The following PDE10A variants were observed in gnomAD, a reference collection of about 807,000 sequenced individuals.
PDE10A encodes phosphodiesterase 10A.
A neutral mutation model predicts 97.7 loss-of-function variants in PDE10A; 39 were observed. That is an observed-to-expected ratio of 0.40 (90% CI 0.31 to 0.52). The LOEUF is 0.52. PDE10A is among the 20% of genes least tolerant of loss of function. The pLI, the probability that PDE10A is intolerant of heterozygous loss-of-function variation, is 0.56. For synonymous variants in PDE10A, 371 were observed against 376.8 expected (o/e 0.98, Z 0.18); for missense variants, 731 against 1,047.8 (o/e 0.70, Z 4.17).
At chr6:165,540,401 C>A in intron 2 of PDE10A, among the ~76,000 whole-genome samples, 1 of 151,970 alleles carries the variant, frequency 6.6e-6, no homozygotes, top group Admixed American at 6.6e-5. Context: ...GTGTGTTACA[C>A]GGTTTTATTT....
At chr6:165,406,956 G>T (rs1401263031) in intron 13 of PDE10A, among the ~76,000 whole-genome samples, 1 of 152,106 alleles carries the variant, frequency 6.6e-6, no homozygotes, top group Non-Finnish European at 1.5e-5. Flanking sequence ...CTGACTCAGG[G>T]TTACACCATC....
intron 1 of PDE10A, among the ~76,000 whole-genome samples, chr6:165,637,638 G>A (rs535261945): frequency 1.3e-3 from 198 of 152,296 alleles, no homozygotes; most frequent in African/African-American, 4.6e-3. Context: ...ATCATGTTAA[G>A]TGGCAAAAGG....
chr6:165,686,829 G>A (rs1460757259), intron 1 of PDE10A, among the ~76,000 whole-genome samples: 1 of 152,168 alleles, frequency 6.6e-6, no homozygotes, highest in Non-Finnish European at 1.5e-5. Flanking sequence ...GCACCTCCGC[G>A]GCTCATTTGG....
chr6:165,794,129 A>ACG (rs1778745428), intron 1 of PDE10A, among the ~76,000 whole-genome samples: 2 of 151,490 alleles, frequency 1.3e-5, no homozygotes, highest in Admixed American at 1.3e-4. Flanking sequence ...ACACACACAC[A>ACG]CACGCTCACA....
At chr6:165,411,261 C>T (rs889973888) in intron 13 of PDE10A, among the ~76,000 whole-genome samples, 14 of 151,628 alleles carry the variant, frequency 9.2e-5, no homozygotes, top group Admixed American at 9.2e-4. Context: ...GATTGTGGCC[C>T]CCTTAAAATT....
chr6:165,514,570 G>A (rs1157888232), intron 2 of PDE10A, among the ~76,000 whole-genome samples: 1 of 152,174 alleles, frequency 6.6e-6, no homozygotes, highest in Non-Finnish European at 1.5e-5. Context: ...CATATCTTCA[G>A]CCAGAAACAG....
intron 18 of PDE10A, among the ~76,000 whole-genome samples, chr6:165,365,423 T>C (rs938022042): frequency 6.6e-6 from 1 of 152,194 alleles, no homozygotes; most frequent in Non-Finnish European, 1.5e-5. Flanking sequence ...AGGCTGGACA[T>C]GATGGCTCAT....
intron 3 of PDE10A, among the ~76,000 whole-genome samples, chr6:165,457,602 C>T (rs1396281962): frequency 3.9e-5 from 6 of 152,132 alleles, no homozygotes; most frequent in African/African-American, 1.2e-4. Context: ...AGGTTCTGTC[C>T]AACATATGCC....
chr6:165,383,143 A>C (rs1278627064), intron 17 of PDE10A, among the ~76,000 whole-genome samples: 1 of 152,214 alleles, frequency 6.6e-6, no homozygotes, highest in Admixed American at 6.5e-5. Context: ...AAAGCAACAG[A>C]TAATTTAAGA....
chr6:165,851,353 C>G (rs1008707137), intron 1 of PDE10A, among the ~76,000 whole-genome samples: 8 of 152,228 alleles, frequency 5.3e-5, no homozygotes, highest in African/African-American at 1.9e-4. Flanking sequence ...CCAAATGGTT[C>G]TGCCCACTTG....
intron 1 of PDE10A, chr6:165,775,183 CAA>C (rs1778146030): frequency 1.3e-5 from 2 of 152,150 alleles, no homozygotes; most frequent in Non-Finnish European, 2.9e-5. Flanking sequence ...GCTACATTAT[CAA>C]GAAAATAGTC....
intron 1 of PDE10A, among the ~76,000 whole-genome samples, chr6:165,840,714 G>A (rs1177781236): frequency 6.6e-6 from 1 of 152,108 alleles, no homozygotes; most frequent in Non-Finnish European, 1.5e-5. Context: ...ATTGATATAG[G>A]AATTTTAACA....
In PDE10A at chr6:165,943,314, G is replaced by A. The variant is rs372784876; in HGVS notation, c.-615+44215C>T. On this transcript the variant is annotated intron_variant, in intron 1 of 19. Transcript: ENST00000366882. Reference sequence around the variant, plus strand: ...AAGAAGGAAAGAAAGAAAGAAGGAAGGAAGGAAAGAAAGAAAAAGAAAGAA... The same window carrying A: ...AAGAAGGAAAGAAAGAAAGAAGGAAAGAAGGAAAGAAAGAAAAAGAAAGAA... 6.6e-3 allele frequency among the ~76,000 whole-genome samples: 476 copies of A among 72,548 alleles called. 32 individuals are homozygous for A. The highest frequency in any genetic ancestry group is 1.0e-2 in the African/African-American group (138 of 13,858). The allele number at this position is 72,548 out of a possible 152,430, so 47.6% of individuals were successfully genotyped here.
intron 1 of PDE10A, among the ~76,000 whole-genome samples, chr6:165,715,603 T>C (rs907189723): frequency 1.3e-5 from 2 of 152,074 alleles, no homozygotes; most frequent in African/African-American, 4.8e-5. Context: ...CCCATGCACA[T>C]GCATGTACAC....
intron 4 of PDE10A, among the ~76,000 whole-genome samples, chr6:165,449,918 C>A (rs1331110754): frequency 6.6e-6 from 1 of 152,076 alleles, no homozygotes; most frequent in East Asian, 1.9e-4. Context: ...CTTAGTCTCT[C>A]TTTAAAATTA....
intron 1 of PDE10A, among the ~76,000 whole-genome samples, chr6:165,794,590 TTCAC>T (rs1261287142): frequency 1.3e-5 from 2 of 150,618 alleles, no homozygotes; most frequent in Non-Finnish European, 3.0e-5. Context: ...CACACACATA[TTCAC>T]TCACACACTC....
chr6:165,679,583 C>T (rs1362517857), intron 1 of PDE10A, among the ~76,000 whole-genome samples: 1 of 152,160 alleles, frequency 6.6e-6, no homozygotes, highest in Non-Finnish European at 1.5e-5. Flanking sequence ...CACAGGAACG[C>T]CGGGAAGCAC....
chr6:165,388,308 GAC>G lies in PDE10A; in HGVS notation c.2598_2599del (p.Ser867HisfsTer17), dbSNP rs781182328. 1 of 1,613,992 alleles carries G rather than the reference GAC, an allele frequency of 6.2e-7. No homozygotes were observed. The highest frequency in any genetic ancestry group is 1.3e-5 in the African/African-American group (1 of 75,040). On this transcript the variant is annotated frameshift_variant, in exon 17 of 22. Transcript: ENST00000539869. LOFTEE classifies it high-confidence loss of function. This position sits in a 1 kb window ranked among gnomAD's most constrained non-coding sequence, Gnocchi z 4.0. The stretch of plus-strand genomic sequence containing the variant: ...CGTGCAGTGACTCACCTGGAGGATG[GAC>G]ACAGTCTGGGAGAAGTGGTGCTGCT...
chr6:165,796,091 C>CTTTTTTTTTT (rs1168771487), intron 1 of PDE10A, among the ~76,000 whole-genome samples: 2 of 108,798 alleles, frequency 1.8e-5, no homozygotes, highest in Admixed American at 1.1e-4. Flanking sequence ...TTTTTCTTTT[C>CTTTTTTTTTT]TTTTTTTTTT....
Sources: gnomAD v4.1 joint callset for allele counts (sites outside exome capture counted in the v4.1 genomes callset) on GRCh38, gnomAD v4.1.1 for gene constraint, Gnocchi (gnomAD v3.1) non-coding constraint, MANE v1.5 for transcripts, NCBI Gene and HGNC (gene_info 2026-07-23, HGNC 2026-07-21) for gene names.